The following DDC variants were observed in gnomAD, a reference collection of about 807,000 sequenced individuals.
DDC encodes dopa decarboxylase, also known as aromatic-L-amino-acid decarboxylase.
A neutral mutation model predicts 60.0 loss-of-function variants in DDC; 43 were observed. The ratio of observed to expected loss-of-function variants is 0.72; its 90% CI spans 0.56 to 0.92. The LOEUF is 0.92. Among genes scored for constraint, DDC ranks in the 40% least tolerant of loss-of-function variants. The pLI is 0.00. For synonymous variants in DDC, 232 were observed against 234.6 expected (o/e 0.99, Z 0.10); for missense variants, 573 against 620.2 (o/e 0.92, Z 0.81).
intron 6 of DDC, among the ~76,000 whole-genome samples, chr7:50,515,699 TA>T (rs2043707741): frequency 6.6e-6 from 1 of 152,094 alleles, no homozygotes; most frequent in African/African-American, 2.4e-5. Context: ...ACCTAACGCA[TA>T]AGGACTCACA....
intron 6 of DDC, among the ~76,000 whole-genome samples, chr7:50,504,299 G>C (rs188246675): frequency 6.6e-6 from 1 of 152,176 alleles, no homozygotes; most frequent in East Asian, 1.9e-4. Context: ...GTTAGAAACC[G>C]GGAAGTTGCA....
intron 6 of DDC, among the ~76,000 whole-genome samples, chr7:50,510,789 G>A (rs1415711559): frequency 6.6e-6 from 1 of 151,584 alleles, no homozygotes; most frequent in African/African-American, 2.4e-5. Context: ...AGACCATCCT[G>A]GCTAACACGG....
At chr7:50,510,980 CAAAA>C (rs11309882) in intron 6 of DDC, among the ~76,000 whole-genome samples, 5 of 60,918 alleles carry the variant, frequency 8.2e-5, no homozygotes, top group East Asian at 5.6e-4. Flanking sequence ...GACTCTGTCT[CAAAA>C]AAAAAAAAAA....
intron 4 of DDC, among the ~76,000 whole-genome samples, chr7:50,537,642 C>T (rs1483838144): frequency 6.6e-6 from 1 of 152,184 alleles, no homozygotes; most frequent in African/African-American, 2.4e-5. Flanking sequence ...AACTGAGTGC[C>T]CTGCCCTGGG....
chr7:50,523,248 T>A (rs980509432), intron 6 of DDC, among the ~76,000 whole-genome samples: 1 of 152,176 alleles, frequency 6.6e-6, no homozygotes, highest in African/African-American at 2.4e-5. Flanking sequence ...AAAACCTAGA[T>A]GACCTTAGGA....
At chr7:50,534,578 C>A (rs887476138) in intron 4 of DDC, among the ~76,000 whole-genome samples, 4 of 148,366 alleles carry the variant, frequency 2.7e-5, no homozygotes, top group African/African-American at 5.0e-5. Flanking sequence ...GCCTGGGCGA[C>A]AAGAATGAGA....
chr7:50,506,585 C>T (rs2043404192), intron 6 of DDC, among the ~76,000 whole-genome samples: 1 of 152,214 alleles, frequency 6.6e-6, no homozygotes, highest in South Asian at 2.1e-4. Flanking sequence ...GCAGTCCCTC[C>T]AGGGTCAGCA....
At chr7:50,523,030 C>A (rs1031972245) in intron 6 of DDC, among the ~76,000 whole-genome samples, 5 of 152,172 alleles carry the variant, frequency 3.3e-5, no homozygotes, top group Non-Finnish European at 7.3e-5. Context: ...TCCACCAGGT[C>A]CTTCCCCTAA....
At chr7:50,478,717 C>T (rs961305427) in intron 10 of DDC, among the ~76,000 whole-genome samples, 3 of 152,140 alleles carry the variant, frequency 2.0e-5, no homozygotes, top group African/African-American at 7.2e-5. Flanking sequence ...CTGTGGACTA[C>T]TTAATAGGTC....
chr7:50,540,265 T>C (rs2044581321), intron 2 of DDC: 2 of 494,234 alleles, frequency 4.0e-6, no homozygotes, highest in Admixed American at 6.1e-5. Flanking sequence ...GACACTGGAA[T>C]GTATTTGCTA....
intron 9 of DDC, among the ~76,000 whole-genome samples, chr7:50,480,570 C>T (rs1193249422): frequency 7.9e-5 from 12 of 152,118 alleles, no homozygotes; most frequent in African/African-American, 1.2e-4. Context: ...GAAGTGGGGG[C>T]CGGCTGATGG....
chr7:50,548,084 G>T (rs746392356), intron 1 of DDC, among the ~76,000 whole-genome samples: 13 of 152,152 alleles, frequency 8.5e-5, no homozygotes, highest in Non-Finnish European at 1.6e-4. Flanking sequence ...GGACAGCATG[G>T]ACCACACCCA....
At chr7:50,480,057 T>C in intron 9 of DDC, 194 bp from the exon 10 acceptor site, 1 of 602,150 alleles carries the variant, frequency 1.7e-6, no homozygotes. Flanking sequence ...ATATTTGGTC[T>C]TTGTTACCAG....
chr7:50,540,135 C>T, intron 2 of DDC, 107 bp from the exon 3 acceptor site: 1 of 808,472 alleles, frequency 1.2e-6, no homozygotes, highest in Non-Finnish European at 2.1e-6. Context: ...TGCAGCCAGA[C>T]CCAGAGTTAG....
At chr7:50,511,062 C>T (rs534095958) in intron 6 of DDC, among the ~76,000 whole-genome samples, 2,217 of 128,748 alleles carry the variant, frequency 0.017, 40 homozygotes, top group African/African-American at 0.045. Context: ...TACACACACA[C>T]ACACACACAC....
chr7:50,474,785 A>C (rs1405643100), intron 11 of DDC, among the ~76,000 whole-genome samples: 2 of 152,232 alleles, frequency 1.3e-5, no homozygotes, highest in African/African-American at 4.8e-5. Flanking sequence ...TGTGAACCAG[A>C]GATGGTGTTG....
At chr7:50,562,216 G>A (rs1345669026) in intron 1 of DDC, among the ~76,000 whole-genome samples, 1 of 152,230 alleles carries the variant, frequency 6.6e-6, no homozygotes, top group Non-Finnish European at 1.5e-5. Flanking sequence ...GGGCTGCAGG[G>A]CGGGGACCTG....
At chr7:50,501,564 T>A (rs956957245) in intron 7 of DDC, among the ~76,000 whole-genome samples, 1 of 152,222 alleles carries the variant, frequency 6.6e-6, no homozygotes, top group Non-Finnish European at 1.5e-5. Context: ...TGTCAAATGA[T>A]GGTGGGTGAA....
Position 50,543,975 on chromosome 7 carries a change from G to A in DDC, c.111C>T (p.Tyr37=). ...CAGCGGCAGGGATCAGCGGCCGCAG[G>A]TACCCGGGCTCCACGTCAGGGTAGA... ...RQVYPDVEPG[Y]LRPLIPAAAP... Residue 37 remains tyrosine (Y), a synonymous_variant, in exon 2 of 15, where the codon TAC becomes TAT. Coordinates refer to ENST00000444124, the MANE Select transcript of DDC (RefSeq NM_001082971.2). The A allele has an allele frequency of 6.2e-7, 1 of 1,614,184 alleles. No individual in the cohort carries two copies. The highest frequency in any genetic ancestry group is 8.5e-7 in the Non-Finnish European group (1 of 1,180,036).
Sources: gnomAD v4.1 joint callset for allele counts (sites outside exome capture counted in the v4.1 genomes callset) on GRCh38, gnomAD v4.1.1 for gene constraint, MANE v1.5 for transcripts, NCBI Gene and HGNC (gene_info 2026-07-23, HGNC 2026-07-21) for gene names.